ZNF487: variants seen among roughly 807,000 people sequenced by gnomAD.
ZNF487 encodes KRAB domain only 1.
In ZNF487, 4 loss-of-function variants were observed where a neutral mutation model predicts 3.0. The ratio of observed to expected loss-of-function variants is 1.35; its 90% CI spans 0.66 to 3.08. ZNF487 has a LOEUF of 3.08. ZNF487 is among the 30% of genes most tolerant of loss of function. The probability of loss-of-function intolerance (pLI) is 0.01; values close to 1 mark genes in which losing one functional copy is unlikely to be tolerated. For missense variants in ZNF487, 146 were observed against 98.7 expected (o/e 1.48, Z -2.03); for synonymous variants, 55 against 34.6 (o/e 1.59, Z -2.06).
the ZNF487 span, among the ~76,000 whole-genome samples, chr10:43,502,554 T>G: frequency 1.3e-5 from 2 of 152,064 alleles, no homozygotes; most frequent in African/African-American, 2.4e-5. Context: ...CCTAAATAAC[T>G]CATTATTCAC....
intron 1 of ZNF487, among the ~76,000 whole-genome samples, chr10:43,445,962 C>G (rs905687473): frequency 1.3e-5 from 2 of 152,138 alleles, no homozygotes; most frequent in African/African-American, 4.8e-5. Context: ...CCTGAGTTGA[C>G]ACAGCACATG....
At chr10:43,487,781 T>A (rs1405752183), downstream of ZNF487, among the ~76,000 whole-genome samples, 3 of 151,484 alleles carry the variant, frequency 2.0e-5, no homozygotes, top group Non-Finnish European at 2.9e-5. Flanking sequence ...AAAGTAGAAA[T>A]TTGTTAGAAG....
the ZNF487 span, among the ~76,000 whole-genome samples, chr10:43,519,035 T>C: frequency 6.6e-6 from 1 of 152,194 alleles, no homozygotes. Context: ...ATTCATTAGG[T>C]CTACTATAAC....
chr10:43,468,712 C>G (rs12779063), intron 1 of ZNF487, among the ~76,000 whole-genome samples: 89 of 134,184 alleles, frequency 6.6e-4, no homozygotes, highest in Admixed American at 1.7e-3. Context: ...AAAGGCCGGG[C>G]GCAGTGGCTC....
downstream of ZNF487, among the ~76,000 whole-genome samples, chr10:43,486,397 A>G (rs1397327363): frequency 6.6e-6 from 1 of 152,042 alleles, no homozygotes; most frequent in Non-Finnish European, 1.5e-5. Flanking sequence ...TTGGTGGTGC[A>G]TGCTTGTAAT....
upstream of ZNF487, chr10:43,436,875 C>T (rs1311002851): frequency 1.1e-5 from 5 of 469,288 alleles, no homozygotes; most frequent in Non-Finnish European, 2.2e-5. Context: ...GCCGCGGTCC[C>T]AGCGACCTTC....
the ZNF487 span, among the ~76,000 whole-genome samples, chr10:43,508,677 AAAAC>A: frequency 6.6e-6 from 1 of 151,960 alleles, no homozygotes; most frequent in Non-Finnish European, 1.5e-5. Context: ...AACAAAAACA[AAAAC>A]AAACAAACAA....
At chr10:43,494,765 C>CAAAAAAAAAAAAAAAA in the ZNF487 span, among the ~76,000 whole-genome samples, 2 of 35,788 alleles carry the variant, frequency 5.6e-5, no homozygotes, top group South Asian at 1.2e-3. Flanking sequence ...ACTAAAAATA[C>CAAAAAAAAAAAAAAAA]AAAAAAAAAA....
chr10:43,479,820 TA>T (rs1841243116), intron 3 of ZNF487, among the ~76,000 whole-genome samples: 1 of 151,970 alleles, frequency 6.6e-6, no homozygotes, highest in Non-Finnish European at 1.5e-5. Flanking sequence ...GGCTATTTTT[TA>T]TTTTTTTGTA....
the ZNF487 span, among the ~76,000 whole-genome samples, chr10:43,503,048 A>T: frequency 7.4e-6 from 1 of 134,684 alleles, no homozygotes; most frequent in African/African-American, 2.7e-5. Flanking sequence ...AAAAAAAAAA[A>T]GGTGGCTGTA....
At chr10:43,509,956 G>A in the ZNF487 span, among the ~76,000 whole-genome samples, 1 of 151,964 alleles carries the variant, frequency 6.6e-6, no homozygotes, top group Non-Finnish European at 1.5e-5. Flanking sequence ...ACAATAATAA[G>A]GTCATAATTA....
chr10:43,455,222 AG>A (rs1366240326), intron 1 of ZNF487, among the ~76,000 whole-genome samples: 6 of 152,110 alleles, frequency 3.9e-5, no homozygotes, highest in Non-Finnish European at 7.4e-5. Context: ...CGTGTTAGCC[AG>A]GATGGTCTCG....
downstream of ZNF487, among the ~76,000 whole-genome samples, chr10:43,484,312 A>G (rs1486262564): frequency 6.6e-6 from 1 of 152,084 alleles, no homozygotes; most frequent in Non-Finnish European, 1.5e-5. Context: ...TTACTGATCA[A>G]GATAAGAATT....
At chr10:43,495,916 C>T in the ZNF487 span, 3 of 435,994 alleles carry the variant, frequency 6.9e-6, no homozygotes, top group Non-Finnish European at 4.7e-6. Flanking sequence ...GACATTTTTT[C>T]TTTGAGTATC....
At chr10:43,440,511 A>G (rs1207763903) in intron 1 of ZNF487, among the ~76,000 whole-genome samples, 1 of 152,086 alleles carries the variant, frequency 6.6e-6, no homozygotes, top group Non-Finnish European at 1.5e-5. Flanking sequence ...TACAAAAATT[A>G]GCCCGGCATG....
At chr10:43,480,670 C>A (rs1282434764) in intron 3 of ZNF487, among the ~76,000 whole-genome samples, 1 of 151,480 alleles carries the variant, frequency 6.6e-6, no homozygotes, top group Non-Finnish European at 1.5e-5. Flanking sequence ...CCTTCCTTGG[C>A]CTTCCAAAGT....
the ZNF487 span, among the ~76,000 whole-genome samples, chr10:43,498,358 A>G: frequency 6.9e-6 from 1 of 145,088 alleles, no homozygotes; most frequent in East Asian, 2.1e-4. Flanking sequence ...GGCTCACTGC[A>G]ACTTCCGCCT....
intron 1 of ZNF487, among the ~76,000 whole-genome samples, chr10:43,475,400 A>G (rs149087309): frequency 7.2e-4 from 109 of 152,066 alleles, no homozygotes; most frequent in Non-Finnish European, 1.3e-3. Flanking sequence ...CTGTTGTCCC[A>G]GCTACTTGGG....
chr10:43,442,058 C>T (rs1045974559), intron 1 of ZNF487, among the ~76,000 whole-genome samples: 7 of 151,728 alleles, frequency 4.6e-5, no homozygotes, highest in Non-Finnish European at 5.9e-5. Context: ...CCTGTCTGTA[C>T]GAAAAAAAAT....
Sources: gnomAD v4.1 joint callset for allele counts (sites outside exome capture counted in the v4.1 genomes callset) on GRCh38, gnomAD v4.1.1 for gene constraint, MANE v1.5 for transcripts, NCBI Gene and HGNC (gene_info 2026-07-23, HGNC 2026-07-21) for gene names.